Variants in GALK2 observed in about 807,000 individuals in gnomAD.
The protein encoded by GALK2 is galactokinase 2.
Under a neutral mutation model 52.4 loss-of-function variants are expected in GALK2, and 36 were observed. The observed-to-expected ratio is 0.69, with a 90% CI of 0.53 to 0.91. The LOEUF (loss-of-function observed/expected upper bound fraction) is 0.91, where lower values mean the gene tolerates loss of function less well. Ranked by LOEUF, GALK2 falls within the 40% of genes least tolerant of loss-of-function variation. GALK2 has a pLI of 0.00. For missense variants in GALK2, 579 were observed against 559.1 expected, an observed-to-expected ratio of 1.04 and a Z score of -0.36; for synonymous variants, 176 against 199.1, an observed-to-expected ratio of 0.88 and a Z score of 0.98.
chr15:49,170,114 T>G, upstream of GALK2: 1 of 1,207,720 alleles, frequency 8.3e-7, no homozygotes, highest in Non-Finnish European at 1.1e-6. Flanking sequence ...GACTGCTGCT[T>G]GGAGGGAACC....
intron 9 of GALK2, chr15:49,327,448 C>T (rs999354257): frequency 4.6e-5 from 7 of 152,466 alleles, no homozygotes; most frequent in African/African-American, 1.7e-4. Context: ...ACTGATTCTT[C>T]TTTGAAACAG....
intron 3 of GALK2, among the ~76,000 whole-genome samples, chr15:49,360,420 C>T (rs975867159): frequency 1.3e-5 from 2 of 152,032 alleles, no homozygotes; most frequent in African/African-American, 4.8e-5. Flanking sequence ...TTTAACGAGA[C>T]CCATACAGAC....
chr15:49,288,611 A>G (rs1390750623), intron 7 of GALK2, among the ~76,000 whole-genome samples: 1 of 152,208 alleles, frequency 6.6e-6, no homozygotes, highest in Non-Finnish European at 1.5e-5. Context: ...CAGTTGATTC[A>G]ATAGTGCATA....
chr15:49,329,422 CAG>C lies in GALK2; in HGVS notation c.*1265_*1266del. On this transcript the variant is annotated 3_prime_UTR_variant, in exon 10 of 10. Coordinates refer to ENST00000560031, the MANE Select transcript of GALK2 (RefSeq NM_002044.4). ...TGGCATGAATTATCCAAAAAAATAT[CAG>C]AATTACTTATTATTCTGTGATTTCA... 1.0e-6 allele frequency: 1 copy of C among 984,760 alleles called. No individual in the cohort carries two copies. Among genetic ancestry groups the C allele is most frequent in the Non-Finnish European group, 1.2e-6 (1 of 829,400 alleles). The allele number at this position is 984,760 out of a possible 1,614,324, so 61.0% of individuals were successfully genotyped here.
intron 1 of GALK2, chr15:49,156,385 A>G: frequency 2.4e-6 from 1 of 418,066 alleles, no homozygotes; most frequent in South Asian, 2.1e-5. Context: ...CGGAAAGGGA[A>G]ATCCGCAACA....
intron 3 of GALK2, among the ~76,000 whole-genome samples, chr15:49,341,655 A>T (rs1375624156): frequency 6.6e-6 from 1 of 152,170 alleles, no homozygotes; most frequent in African/African-American, 2.4e-5. Flanking sequence ...TCTGGCTGAG[A>T]TCTTTCTAAC....
chr15:49,334,360 TCAA>T (rs2039325386), downstream of GALK2: 1 of 430,124 alleles, frequency 2.3e-6, no homozygotes. Context: ...AAAGAATAAA[TCAA>T]CAATTTACTG....
chr15:49,355,845 G>T (rs2043064372), intron 3 of GALK2, among the ~76,000 whole-genome samples: 1 of 152,132 alleles, frequency 6.6e-6, no homozygotes. Flanking sequence ...AGAGAGAAAG[G>T]TCGGGTCACC....
At chr15:49,209,080 ATAGT>A (rs970999782) in intron 2 of GALK2, among the ~76,000 whole-genome samples, 16 of 152,160 alleles carry the variant, frequency 1.1e-4, no homozygotes, top group African/African-American at 2.9e-4. Flanking sequence ...AAGGCAGCAG[ATAGT>A]TGGTTGGTTA....
In GALK2 at chr15:49,243,070, C is replaced by CAGCT. The variant is rs559462810; in HGVS notation, c.504+3704_504+3707dup. Among the ~76,000 whole-genome samples the CAGCT allele has an allele frequency of 1.9e-4, 29 of 152,252 alleles. No individual in the cohort carries two copies. In the East Asian group the frequency reaches 5.6e-3, roughly 29 times the overall value. Reference sequence around the variant, plus strand: ...GCGGAGGGAGTTGCAGATGGAAAGGCAGCTGACTCATCCCACAGCTCTCTG... The same window carrying CAGCT: ...GCGGAGGGAGTTGCAGATGGAAAGGCAGCTAGCTGACTCATCCCACAGCTCTCTG... On this transcript the variant is annotated intron_variant, in intron 5 of 9. Coordinates refer to ENST00000560031, the MANE Select transcript of GALK2 (RefSeq NM_002044.4).
intron 1 of GALK2, among the ~76,000 whole-genome samples, chr15:49,186,802 G>T (rs1244773380): frequency 6.6e-6 from 1 of 152,166 alleles, no homozygotes; most frequent in Non-Finnish European, 1.5e-5. Flanking sequence ...CTCCCAAAGT[G>T]CTGGGATTAC....
At chr15:49,224,099 A>G (rs561768248) in intron 3 of GALK2, among the ~76,000 whole-genome samples, 2 of 151,938 alleles carry the variant, frequency 1.3e-5, no homozygotes, top group Admixed American at 1.3e-4. Flanking sequence ...CTGGAGTGAG[A>G]TGGTATCTCA....
intron 8 of GALK2, among the ~76,000 whole-genome samples, chr15:49,300,677 C>A (rs1324805515): frequency 6.6e-6 from 1 of 152,058 alleles, no homozygotes; most frequent in Non-Finnish European, 1.5e-5. Flanking sequence ...TGAGTGAGTT[C>A]TCTTGAGAAC....
At chr15:49,268,493 A>T (rs570560327) in intron 5 of GALK2, among the ~76,000 whole-genome samples, 2 of 152,306 alleles carry the variant, frequency 1.3e-5, no homozygotes, top group Non-Finnish European at 2.9e-5. Flanking sequence ...CCACTGAAAG[A>T]TGTGGATAGA....
intron 5 of GALK2, among the ~76,000 whole-genome samples, chr15:49,274,754 A>AT (rs1345524964): frequency 6.6e-6 from 1 of 152,096 alleles, no homozygotes; most frequent in African/African-American, 2.4e-5. Context: ...TATTTTTAAA[A>AT]TTTTTTAATT....
At chr15:49,244,242 A>G (rs996687367) in intron 5 of GALK2, among the ~76,000 whole-genome samples, 10 of 151,914 alleles carry the variant, frequency 6.6e-5, no homozygotes, top group African/African-American at 2.4e-4. Flanking sequence ...GTGTCTGTCC[A>G]GAAGATTTTT....
chr15:49,365,947 TAAAC>T lies in GALK2; in HGVS notation c.427-1543_427-1540del, dbSNP rs1198355597. ...TATGCAGAAAATTGCTATCATAACA[TAAAC>T]TAACCATTTGTGGAAGAAATAAAGT... On this transcript the variant is annotated intron_variant, in intron 3 of 3. Coordinates refer to the GALK2 transcript ENST00000558399. 6 of 897,330 alleles carry T rather than the reference TAAAC, an allele frequency of 6.7e-6. No individual in the cohort carries two copies. In the East Asian group the frequency reaches 7.2e-5, roughly 11 times the overall value. 55.6% of individuals were successfully genotyped at this position (897,330 alleles called of 1,614,324 possible). A position where few individuals can be genotyped will look rare whatever the true frequency, so the allele number is the denominator to read the frequency against.
intron 5 of GALK2, among the ~76,000 whole-genome samples, chr15:49,275,857 T>C (rs780424824): frequency 4.9e-4 from 74 of 152,312 alleles, no homozygotes; most frequent in Non-Finnish European, 9.1e-4. Context: ...TTTCTCCTCT[T>C]ACCTGGAGTT....
At chr15:49,178,500 A>G (rs1054545677) in intron 1 of GALK2, 6 of 285,380 alleles carry the variant, frequency 2.1e-5, no homozygotes, top group Non-Finnish European at 4.1e-5. Context: ...GGCTTGCCAT[A>G]AGCTGCACCC....
Sources: allele counts gnomAD v4.1 joint callset (sites outside exome capture counted in the v4.1 genomes callset), GRCh38; gene constraint gnomAD v4.1.1; transcripts MANE v1.5; gene names NCBI Gene and HGNC (gene_info 2026-07-23, HGNC 2026-07-21).